Variants in WDR27 observed in about 807,000 individuals in gnomAD.
WDR27 encodes the protein WD repeat domain 27.
Under a neutral mutation model 114.4 loss-of-function variants are expected in WDR27, and 100 were observed. That is an observed-to-expected ratio of 0.87 (90% confidence interval 0.74 to 1.03). The LOEUF (loss-of-function observed/expected upper bound fraction) is 1.03, where lower values mean the gene tolerates loss of function less well. Among genes scored for constraint, WDR27 ranks in the 50% least tolerant of loss-of-function variants. The pLI is 0.00. For synonymous variants in WDR27, 449 were observed against 423.1 expected, an observed-to-expected ratio of 1.06 and a Z score of -0.75; for missense variants, 1,129 against 1,092.9, an observed-to-expected ratio of 1.03 and a Z score of -0.47.
intron 23 of WDR27, among the ~76,000 whole-genome samples, chr6:169,585,792 T>A (rs1195029611): frequency 6.6e-6 from 1 of 152,122 alleles, no homozygotes; most frequent in Non-Finnish European, 1.5e-5. Context: ...GGGGTTGGTT[T>A]TGCCGTCTCA....
chr6:169,637,743 G>T (rs906744614), intron 18 of WDR27, among the ~76,000 whole-genome samples: 4 of 151,498 alleles, frequency 2.6e-5, no homozygotes, highest in African/African-American at 9.7e-5. Flanking sequence ...TGAATACGTG[G>T]TAAGTATAAG....
Position 169,624,089 on chromosome 6 carries a change from G to GC in WDR27, c.2223+8857dup, listed in dbSNP as rs1348758468. On this transcript the variant is annotated intron_variant, in intron 21 of 25. Coordinates refer to ENST00000448612, the MANE Select transcript of WDR27 (RefSeq NM_182552.5). ...TGTGGGGTCAGGTGTGCCGTGTGCA[G>GC]CATGTGGCATCAGGTGTGCCGTGTG... Among the ~76,000 whole-genome samples the GC allele has an allele frequency of 7.9e-5, 12 of 151,996 alleles. No individual in the cohort carries two copies. The East Asian group carries it at 2.3e-3, about 29-fold the overall frequency.
chr6:169,667,952 C>T (rs1828335988), intron 5 of WDR27, 30 bp downstream of exon 5: 9 of 1,589,158 alleles, frequency 5.7e-6, no homozygotes, highest in African/African-American at 1.3e-5. Context: ...ACGTGCCACG[C>T]GGGAACGCCA....
intron 17 of WDR27, among the ~76,000 whole-genome samples, chr6:169,639,883 G>A (rs1818730573): frequency 6.6e-6 from 1 of 152,150 alleles, no homozygotes; most frequent in African/African-American, 2.4e-5. Context: ...ACAAAGGAAA[G>A]GAGAAAGCAA....
chr6:169,654,758 CGGCGCGCACAGCAGAAGGA>C (rs946342876), intron 13 of WDR27, among the ~76,000 whole-genome samples: 1 of 149,114 alleles, frequency 6.7e-6, no homozygotes, highest in African/African-American at 2.5e-5. Context: ...CAGGGTTAGG[CGGCGCGCACAGCAGAAGGA>C]GGCGCGTTCA....
intron 22 of WDR27, among the ~76,000 whole-genome samples, chr6:169,609,642 T>C (rs1810060203): frequency 6.6e-6 from 1 of 152,160 alleles, no homozygotes; most frequent in South Asian, 2.1e-4. Context: ...CTCCCAGACC[T>C]CTGGGTCTGT....
In WDR27 at chr6:169,481,334, GCTCTGTAAAATGGACCAATCAGCT is replaced by G. The variant is rs1469289226; in HGVS notation, c.2646-23724_2646-23701del. ...CTCTCTGTAAAACAGACCAATCAGCGCTCTGTAAAATGGACCAATCAGCTCTCTGTAAAATGGACCAATCGGCAG... is the reference window on the plus strand; with the variant it reads ...CTCTCTGTAAAACAGACCAATCAGCGCTCTGTAAAATGGACCAATCGGCAG... On this transcript the variant is annotated intron_variant, in intron 25 of 25. Coordinates refer to ENST00000448612, the MANE Select transcript of WDR27 (RefSeq NM_182552.5). Among the ~76,000 whole-genome samples, 12 of 152,246 alleles carry G rather than the reference GCTCTGTAAAATGGACCAATCAGCT, an allele frequency of 7.9e-5. 1 individual carries two copies. In the East Asian group the frequency reaches 9.6e-4, roughly 12 times the overall value.
intron 25 of WDR27, among the ~76,000 whole-genome samples, chr6:169,529,740 C>T (rs1272767109): frequency 6.6e-6 from 1 of 152,028 alleles, no homozygotes; most frequent in Non-Finnish European, 1.5e-5. Context: ...TCAAAATTTG[C>T]ATAAGCTTTT....
intron 25 of WDR27, among the ~76,000 whole-genome samples, chr6:169,477,286 A>G (rs983986988): frequency 2.6e-5 from 4 of 152,238 alleles, no homozygotes; most frequent in Admixed American, 6.5e-5. Flanking sequence ...AAATGGGCCC[A>G]TAATTGCCTT....
rs1788716415 is a variant in WDR27 at position 169,485,172 on chromosome 6, G to C, written c.2646-27538C>G. On this transcript the variant is annotated intron_variant, in intron 25 of 25. Transcript: ENST00000448612. ...CAAAAAAGGAAATGTTGGCAAATGGGACCTAATTAAACTAAGGAGCTTCTG... is the reference window on the plus strand; with the variant it reads ...CAAAAAAGGAAATGTTGGCAAATGGCACCTAATTAAACTAAGGAGCTTCTG... 2.6e-5 allele frequency among the ~76,000 whole-genome samples: 4 copies of C among 152,270 alleles called. 1 individual carries two copies. In the Middle Eastern group the frequency reaches 0.014, roughly 518 times the overall value.
At position 169,484,566 on chromosome 6, in the gene WDR27, G is replaced by T. The variant is rs993103596; in HGVS notation, c.2646-26932C>A. Among the ~76,000 whole-genome samples the T allele has an allele frequency of 2.0e-5, 3 of 152,140 alleles. No individual in the cohort carries two copies. In the East Asian group the frequency reaches 5.8e-4, roughly 29 times the overall value. On this transcript the variant is annotated intron_variant, in intron 25 of 25. Transcript: ENST00000448612. ...AACATTCCATGCTCATGGATAGGAAGAATCAATATCATTAAAATGGCCATA... is the reference window on the plus strand; with the variant it reads ...AACATTCCATGCTCATGGATAGGAATAATCAATATCATTAAAATGGCCATA...
Position 169,661,207 on chromosome 6 carries a change from A to G in WDR27, c.1026-441T>C, listed in dbSNP as rs578074105. ...GCTCGCTCTGACCTCTGTGGTTTCT[A>G]TTTTCTTCTAAGGTTACAGAAAAGG... On this transcript the variant is annotated intron_variant, in intron 9 of 25. Transcript: ENST00000448612. Among the ~76,000 whole-genome samples the G allele has an allele frequency of 5.3e-5, 8 of 152,252 alleles. No homozygotes were observed. In the East Asian group the frequency reaches 1.5e-3, roughly 29 times the overall value.
intron 23 of WDR27, among the ~76,000 whole-genome samples, chr6:169,592,144 A>G (rs1459100481): frequency 1.3e-5 from 2 of 151,978 alleles, no homozygotes; most frequent in African/African-American, 2.4e-5. Context: ...CCTCATCATC[A>G]TGTTCTTTTT....
In WDR27 at chr6:169,664,153, C is replaced by A; in HGVS notation, c.904+13G>T. On this transcript the variant is annotated intron_variant, in intron 8 of 25. Coordinates refer to ENST00000448612, the MANE Select transcript of WDR27 (RefSeq NM_182552.5). ...CCAAGTGGGAGGCCTGAGGGAGGGT[C>A]TGAGCAACCCACCTGGCTGGCTGCA... 6.4e-7 allele frequency: 1 copy of A among 1,573,006 alleles called. No individual in the cohort carries two copies. The highest frequency in any genetic ancestry group is 1.4e-5 in the African/African-American group (1 of 73,938).
intron 25 of WDR27, among the ~76,000 whole-genome samples, chr6:169,460,723 T>C (rs534285017): frequency 3.9e-5 from 6 of 152,326 alleles, no homozygotes; most frequent in African/African-American, 1.4e-4. Flanking sequence ...GGAACTCCCA[T>C]ATAAAATAAA....
At chr6:169,607,509 G>A (rs1172838830) in intron 22 of WDR27, among the ~76,000 whole-genome samples, 1 of 152,062 alleles carries the variant, frequency 6.6e-6, no homozygotes, top group Non-Finnish European at 1.5e-5. Context: ...ATTATCTTAA[G>A]TGAAACAACT....
At chr6:169,672,742 GA>G (rs1267187902) in intron 2 of WDR27, among the ~76,000 whole-genome samples, 2 of 152,320 alleles carry the variant, frequency 1.3e-5, no homozygotes, top group East Asian at 3.9e-4. Context: ...GGAGAGGAAT[GA>G]GGGGAGCAAT....
At chr6:169,508,809 A>G (rs1792357920) in intron 25 of WDR27, among the ~76,000 whole-genome samples, 1 of 152,246 alleles carries the variant, frequency 6.6e-6, no homozygotes, top group African/African-American at 2.4e-5. Context: ...AAATATTTGA[A>G]TCTATCACGT....
chr6:169,600,502 G>T (rs556866350), intron 23 of WDR27, among the ~76,000 whole-genome samples: 1 of 152,218 alleles, frequency 6.6e-6, no homozygotes, highest in East Asian at 1.9e-4. Context: ...GGCTTCGGAC[G>T]ATCAAACTAC....
Sources: gnomAD v4.1 joint callset for allele counts (sites outside exome capture counted in the v4.1 genomes callset) on GRCh38, gnomAD v4.1.1 for gene constraint, MANE v1.5 for transcripts, NCBI Gene and HGNC (gene_info 2026-07-23, HGNC 2026-07-21) for gene names.